PPP2R2A: variants seen among roughly 807,000 people sequenced by gnomAD.
PPP2R2A encodes the protein serine/threonine-protein phosphatase 2A 55 kDa regulatory subunit B alpha isoform.
PPP2R2A carries 9 observed loss-of-function variants against 53.2 expected under a neutral mutation model. That is an observed-to-expected ratio of 0.17 (90% CI 0.10 to 0.30). The LOEUF (loss-of-function observed/expected upper bound fraction) is 0.30. PPP2R2A is among the 10% of genes least tolerant of loss of function. PPP2R2A has a pLI of 1.00. For synonymous variants in PPP2R2A, 169 were observed against 174.2 expected (o/e 0.97, Z 0.23); for missense variants, 235 against 534.6 (o/e 0.44, Z 5.53).
chr8:26,306,223 C>T (rs1385472852), intron 2 of PPP2R2A, among the ~76,000 whole-genome samples: 7 of 150,542 alleles, frequency 4.6e-5, no homozygotes, highest in African/African-American at 1.7e-4. Context: ...CATCTGTAAT[C>T]CCAGCACTTT....
intron 2 of PPP2R2A, among the ~76,000 whole-genome samples, chr8:26,330,111 T>A (rs1803291731): frequency 6.6e-6 from 1 of 152,192 alleles, no homozygotes; most frequent in Admixed American, 6.5e-5. Context: ...TGGTTACTTT[T>A]TCTTCCTGTC....
intron 2 of PPP2R2A, among the ~76,000 whole-genome samples, chr8:26,324,541 C>T (rs902503230): frequency 3.3e-5 from 5 of 152,194 alleles, no homozygotes; most frequent in African/African-American, 9.7e-5. Context: ...CAGAAGTCTG[C>T]TGCAGGGGCA....
At chr8:26,337,580 T>C (rs879425726) in intron 2 of PPP2R2A, among the ~76,000 whole-genome samples, 1 of 152,238 alleles carries the variant, frequency 6.6e-6, no homozygotes, top group Non-Finnish European at 1.5e-5. Context: ...TTCTCAGTAC[T>C]TACTGGTGTT....
chr8:26,362,548 A>C lies in PPP2R2A; in HGVS notation c.638-136A>C. ...AAGTTTTAATCCCTTTGGAATTTAT[A>C]CTCATAAAAACAGTGGAGTGCAATT... On this transcript the variant is annotated intron_variant, in intron 6 of 9. Transcript: ENST00000380737. This position sits in a 1 kb window ranked among gnomAD's most constrained non-coding sequence, Gnocchi z 4.4. The C allele has an allele frequency of 1.3e-6, 1 of 775,592 alleles. No homozygotes were observed. The highest frequency in any genetic ancestry group is 2.0e-6 in the Non-Finnish European group (1 of 498,848). The allele number at this position is 775,592 out of a possible 1,614,324, so 48.0% of individuals were successfully genotyped here.
At chr8:26,296,956 C>G (rs1801568724) in intron 2 of PPP2R2A, among the ~76,000 whole-genome samples, 1 of 152,118 alleles carries the variant, frequency 6.6e-6, no homozygotes. Flanking sequence ...TACCCTAGCT[C>G]CAGCACAAAC....
intron 1 of PPP2R2A, chr8:26,293,191 TGTGTGCACTTTG>T: frequency 6.6e-7 from 1 of 1,520,778 alleles, no homozygotes; most frequent in African/African-American, 1.4e-5. Context: ...GTGTTTGCTG[TGTGTGCACTTTG>T]GTGATAAGGT....
chr8:26,331,440 G>T (rs1046305199), intron 2 of PPP2R2A, among the ~76,000 whole-genome samples: 7 of 152,150 alleles, frequency 4.6e-5, no homozygotes, highest in African/African-American at 1.7e-4. Flanking sequence ...GAAAGTAGTA[G>T]TGGTAAAAAT....
At chr8:26,326,400 T>C (rs1803089076) in intron 2 of PPP2R2A, among the ~76,000 whole-genome samples, 3 of 152,228 alleles carry the variant, frequency 2.0e-5, no homozygotes, top group Non-Finnish European at 4.4e-5. Context: ...GTAAAATGTT[T>C]TGTAACATAC....
chr8:26,305,661 A>C (rs1801984218), intron 2 of PPP2R2A, among the ~76,000 whole-genome samples: 1 of 152,138 alleles, frequency 6.6e-6, no homozygotes, highest in Non-Finnish European at 1.5e-5. Context: ...CATTTTATTG[A>C]AATAAACATT....
At chr8:26,333,223 C>T (rs1048816225) in intron 2 of PPP2R2A, among the ~76,000 whole-genome samples, 3 of 152,070 alleles carry the variant, frequency 2.0e-5, no homozygotes, top group Non-Finnish European at 2.9e-5. Flanking sequence ...CAGTCTGTGC[C>T]GTCTATTCAA....
At chr8:26,313,988 AT>A (rs2117243168) in intron 2 of PPP2R2A, among the ~76,000 whole-genome samples, 1 of 152,338 alleles carries the variant, frequency 6.6e-6, no homozygotes, top group East Asian at 1.9e-4. Flanking sequence ...GGGCTGTATA[AT>A]AAATTCTGAT....
intron 2 of PPP2R2A, among the ~76,000 whole-genome samples, chr8:26,296,880 CT>C: frequency 6.6e-6 from 1 of 152,074 alleles, no homozygotes; most frequent in Non-Finnish European, 1.5e-5. Flanking sequence ...CATCGGTAGG[CT>C]TTTTATAACC....
chr8:26,362,387 C>G lies in PPP2R2A; in HGVS notation c.638-297C>G, dbSNP rs938217194. Among the ~76,000 whole-genome samples, 2 of 151,576 alleles carry G rather than the reference C, an allele frequency of 1.3e-5. No homozygotes were observed. The highest frequency in any genetic ancestry group is 4.8e-5 in the African/African-American group (2 of 41,268). The stretch of plus-strand genomic sequence containing the variant: ...AGTTGTAGTGGTGTGCGCCTGTAAT[C>G]CCAGCTTTTCTGGAGACTGATGCAG... On this transcript the variant is annotated intron_variant, in intron 6 of 9. Transcript: ENST00000380737. This position sits in a 1 kb window ranked among gnomAD's most constrained non-coding sequence, Gnocchi z 4.4.
chr8:26,370,467 T>G lies in PPP2R2A; in HGVS notation c.*54T>G. ...TTCCTGCTTAGTTGAGATAGTTGAA[T>G]CTAGCATTCGTTCCTATAAAAGAGA... is the stretch of plus-strand genomic sequence containing the variant. On this transcript the variant is annotated 3_prime_UTR_variant, in exon 10 of 10. Coordinates refer to ENST00000380737, the MANE Select transcript of PPP2R2A (RefSeq NM_002717.4). This position sits in a 1 kb window ranked among gnomAD's most constrained non-coding sequence, Gnocchi z 6.1. 6.4e-7 allele frequency: 1 copy of G among 1,574,088 alleles called. No individual in the cohort carries two copies. Among genetic ancestry groups the G allele is most frequent in the Non-Finnish European group, 8.7e-7 (1 of 1,151,408 alleles).
chr8:26,354,102 CT>C lies in PPP2R2A; in HGVS notation c.181-363del, dbSNP rs768488205. Among the ~76,000 whole-genome samples the C allele has an allele frequency of 6.6e-6, 1 of 152,054 alleles. No homozygotes were observed. Among genetic ancestry groups the C allele is most frequent in the Admixed American group, 6.6e-5 (1 of 15,264 alleles). ...CTCACCTAGCTCTTTCTGGGCAAGA[CT>C]TTATCATTATTTTTAGATGAACTTC... is the stretch of plus-strand genomic sequence containing the variant. On this transcript the variant is annotated intron_variant, in intron 3 of 9. Transcript: ENST00000380737. The surrounding 1 kb of genome is among the most constrained non-coding windows in gnomAD (Gnocchi z 4.6).
intron 4 of PPP2R2A, among the ~76,000 whole-genome samples, chr8:26,357,946 T>C (rs1804879021): frequency 6.6e-6 from 1 of 152,114 alleles, no homozygotes; most frequent in Admixed American, 6.6e-5. Context: ...TTGATTATTC[T>C]CACATACTTT....
intron 2 of PPP2R2A, among the ~76,000 whole-genome samples, chr8:26,303,947 T>C (rs1801901395): frequency 6.6e-6 from 1 of 150,836 alleles, no homozygotes; most frequent in African/African-American, 2.5e-5. Flanking sequence ...TTAAATCCTC[T>C]CTGTATGTTC....
rs527941822 is a variant in PPP2R2A, at chr8:26,301,011, T to A, written c.82+7271T>A. On this transcript the variant is annotated intron_variant, in intron 2 of 9. Transcript: ENST00000380737. Reference sequence around the variant, plus strand: ...GGCATTGTTTTAGGTCCTTTACATCTATTTATTTACTGTTCTTCACAAATA... The same window carrying A: ...GGCATTGTTTTAGGTCCTTTACATCAATTTATTTACTGTTCTTCACAAATA... Among the ~76,000 whole-genome samples, 28 of 152,356 alleles carry A rather than the reference T, an allele frequency of 1.8e-4. No homozygotes were observed. In the South Asian group the frequency reaches 5.6e-3, roughly 30 times the overall value.
intron 3 of PPP2R2A, among the ~76,000 whole-genome samples, chr8:26,345,432 A>AC (rs1804161897): frequency 6.6e-6 from 1 of 152,184 alleles, no homozygotes; most frequent in South Asian, 2.1e-4. Flanking sequence ...TGCATGTATA[A>AC]CCCCACCAAA....
Sources: allele counts gnomAD v4.1 joint callset (sites outside exome capture counted in the v4.1 genomes callset), GRCh38; gene constraint gnomAD v4.1.1; non-coding constraint Gnocchi (gnomAD v3.1); transcripts MANE v1.5; gene names NCBI Gene and HGNC (gene_info 2026-07-23, HGNC 2026-07-21).